Variants in MTMR3 observed in about 807,000 individuals in gnomAD.
MTMR3 encodes phosphatidylinositol-3,5-bisphosphate 3-phosphatase MTMR3.
In MTMR3, 32 loss-of-function variants were observed where a neutral mutation model predicts 132.4. The ratio of observed to expected loss-of-function variants is 0.24; its 90% CI spans 0.18 to 0.32. MTMR3 has a LOEUF of 0.32. MTMR3 is among the 10% of genes least tolerant of loss of function. The pLI is 1.00. For synonymous variants in MTMR3, 556 were observed against 550.3 expected, an observed-to-expected ratio of 1.01 and a Z score of -0.14; for missense variants, 1,216 against 1,489.6, an observed-to-expected ratio of 0.82 and a Z score of 3.02.
At chr22:29,903,191 C>T (rs900944209) in intron 1 of MTMR3, among the ~76,000 whole-genome samples, 2 of 152,042 alleles carry the variant, frequency 1.3e-5, no homozygotes, top group Non-Finnish European at 2.9e-5. Flanking sequence ...TGCCAGTCCA[C>T]TCCAGCTTGG....
intron 1 of MTMR3, among the ~76,000 whole-genome samples, chr22:29,920,224 A>C (rs1013715062): frequency 4.7e-5 from 7 of 150,136 alleles, no homozygotes; most frequent in African/African-American, 1.2e-4. Context: ...AAAAAAAAAA[A>C]CAAAAAACCC....
intron 7 of MTMR3, chr22:29,997,520 A>T (rs2067085759): frequency 6.6e-6 from 1 of 152,248 alleles, no homozygotes; most frequent in African/African-American, 2.4e-5. Context: ...TTTTCAAGGA[A>T]GAAAGTTATT....
intron 1 of MTMR3, among the ~76,000 whole-genome samples, chr22:29,951,775 A>C (rs376996355): frequency 6.6e-6 from 1 of 152,166 alleles, no homozygotes; most frequent in East Asian, 1.9e-4. Context: ...ATGTAGTTAC[A>C]TACTTACACA....
At chr22:29,994,277 T>G (rs2067018007) in intron 7 of MTMR3, 1 of 309,994 alleles carries the variant, frequency 3.2e-6, no homozygotes, top group South Asian at 1.3e-4. Flanking sequence ...CCACTCAGCA[T>G]GGAATCTTGT....
rs1201573395 is a variant in MTMR3, at chr22:30,027,104, G to A, written c.*1303G>A. 6.5e-6 allele frequency: 1 copy of A among 152,846 alleles called. No individual in the cohort carries two copies. Among genetic ancestry groups the A allele is most frequent in the Non-Finnish European group, 1.5e-5 (1 of 68,162 alleles). The allele number at this position is 152,846 out of a possible 1,614,324, so 9.5% of individuals were successfully genotyped here. On this transcript the variant is annotated 3_prime_UTR_variant, in exon 20 of 20. Coordinates refer to ENST00000401950, the MANE Select transcript of MTMR3 (RefSeq NM_021090.4). ...ATCAAGAATATTTGTGGAGGTAGGT[G>A]TGGGGAAGGTTGGAGAAGAGTTAGG...
At position 29,929,282 on chromosome 22, in the gene MTMR3, AAAAC is replaced by A. The variant is rs540551136; in HGVS notation, c.-137-27744_-137-27741del. 4.5e-4 allele frequency among the ~76,000 whole-genome samples: 68 copies of A among 152,202 alleles called. 1 individual carries two copies. The East Asian group carries it at 0.013, about 29-fold the overall frequency. On this transcript the variant is annotated intron_variant, in intron 1 of 19. Coordinates refer to ENST00000401950, the MANE Select transcript of MTMR3 (RefSeq NM_021090.4). Reference sequence around the variant, plus strand: ...GGTGATAGAGCAAGACTCCATCTCAAAAACAAACAAACAGAAAACACTCATTTTT... The same window carrying A: ...GGTGATAGAGCAAGACTCCATCTCAAAAACAAACAGAAAACACTCATTTTT...
Position 30,002,890 on chromosome 22 carries a change from A to G in MTMR3, c.568A>G (p.Ser190Gly). Residue 190 changes from serine (S) to glycine (G), a missense_variant, in exon 9 of 20, where the codon AGC (serine) becomes GGC (glycine). Physicochemically the swap from Ser to Gly is moderately conservative, Grantham distance 56. Around this residue, in one of 7 missense-constraint regions of MTMR3, gnomAD observed 129 missense variants for 245.7 expected, o/e 0.53. Coordinates refer to ENST00000401950, the MANE Select transcript of MTMR3 (RefSeq NM_021090.4). The stretch of plus-strand genomic sequence containing the variant: ...TCATCTTCTCTTTAGATTATGTGGT[A>G]GCTATCCTCAAGAGCTCATAGTGCC... ...NINEKYKLCG[S>G]YPQELIVPAW... 6.2e-7 allele frequency: 1 copy of G among 1,613,062 alleles called. No homozygotes were observed. Among genetic ancestry groups the G allele is most frequent in the East Asian group, 2.2e-5 (1 of 44,866 alleles).
intron 1 of MTMR3, among the ~76,000 whole-genome samples, chr22:29,940,502 C>T (rs1035391841): frequency 9.3e-5 from 14 of 150,162 alleles, no homozygotes; most frequent in Non-Finnish European, 1.6e-4. Flanking sequence ...GGACTCTCTT[C>T]ACACGGATGC....
At position 30,020,209 on chromosome 22, in the gene MTMR3, G is replaced by A. The variant is rs763599428; in HGVS notation, c.2550G>A (p.Val850=). 1 of 1,614,216 alleles carries A rather than the reference G, an allele frequency of 6.2e-7. No homozygotes were observed. The highest frequency in any genetic ancestry group is 8.5e-7 in the Non-Finnish European group (1 of 1,180,040). The change falls in exon 17 of 20, where the codon GTG becomes GTA. Residue 850 remains valine (V), a synonymous_variant. Transcript: ENST00000401950. ...TGGACAGTTCTACAGACATGTTAGT[G>A]GAAGATAAGGTGAAGTCAGTAAGTG... The part of the protein sequence containing the change: ...PNVDSSTDML[V]EDKVKSVSGP...
chr22:29,896,734 C>T (rs1234955987), intron 1 of MTMR3, among the ~76,000 whole-genome samples: 1 of 150,630 alleles, frequency 6.6e-6, no homozygotes, highest in African/African-American at 2.5e-5. Context: ...ATAACATAAC[C>T]ATTTATTTAA....
Position 30,030,072 on chromosome 22 carries a change from T to G in MTMR3, c.*4271T>G, listed in dbSNP as rs1443551789. On this transcript the variant is annotated 3_prime_UTR_variant, in exon 20 of 20. Transcript: ENST00000401950. Reference sequence around the variant, plus strand: ...TGTGTGCAGATACCAGTAGCCTCCCTGCTTGAACAGGCCTCTCCTAGGCTA... The same window carrying G: ...TGTGTGCAGATACCAGTAGCCTCCCGGCTTGAACAGGCCTCTCCTAGGCTA... The G allele has an allele frequency of 6.6e-6, 1 of 152,284 alleles. No homozygotes were observed. Among genetic ancestry groups the G allele is most frequent in the African/African-American group, 2.4e-5 (1 of 41,456 alleles). 9.4% of individuals were successfully genotyped at this position (152,284 alleles called of 1,614,324 possible). A position where few individuals can be genotyped will look rare whatever the true frequency, so the allele number is the denominator to read the frequency against.
intron 17 of MTMR3, chr22:30,021,092 T>G: frequency 5.1e-6 from 3 of 592,386 alleles, no homozygotes; most frequent in East Asian, 2.9e-5. Flanking sequence ...TTTCTGCAGA[T>G]GTCCTGTTGA....
intron 1 of MTMR3, among the ~76,000 whole-genome samples, chr22:29,893,443 G>C (rs527616001): frequency 4.6e-5 from 7 of 152,092 alleles, no homozygotes; most frequent in African/African-American, 1.7e-4. Flanking sequence ...TGGTCTTTGC[G>C]TACATAATGG....
chr22:29,904,217 T>A (rs2065053364), intron 1 of MTMR3, among the ~76,000 whole-genome samples: 1 of 152,234 alleles, frequency 6.6e-6, no homozygotes, highest in Admixed American at 6.5e-5. Context: ...ACAATTTTAA[T>A]TAGCTTTATC....
intron 1 of MTMR3, among the ~76,000 whole-genome samples, chr22:29,891,367 G>GTATATGTGTATACATAATATATAATA (rs2064795967): frequency 6.7e-6 from 1 of 149,272 alleles, no homozygotes; most frequent in Non-Finnish European, 1.5e-5. Context: ...TGTATACATT[G>GTATATGTGTATACATAATATATAATA]TATATGTGTA....
At chr22:30,011,250 A>G (rs984916405) in intron 12 of MTMR3, 5 of 152,176 alleles carry the variant, frequency 3.3e-5, no homozygotes, top group African/African-American at 1.2e-4. Context: ...GGAAAAATCA[A>G]CTCCTTTTTA....
In MTMR3 at chr22:29,942,870, G is replaced by A. The variant is rs541909837; in HGVS notation, c.-137-14166G>A. On this transcript the variant is annotated intron_variant, in intron 1 of 19. Transcript: ENST00000401950. ...CACACATGCTCTACAAACAACTTGTGCAATTAATGCAATCATCACAGGGTC... is the reference window on the plus strand; with the variant it reads ...CACACATGCTCTACAAACAACTTGTACAATTAATGCAATCATCACAGGGTC... Among the ~76,000 whole-genome samples, 110 of 152,266 alleles carry A rather than the reference G, an allele frequency of 7.2e-4. 1 individual carries two copies. Among genetic ancestry groups the A allele is most frequent in the Middle Eastern group, 3.4e-3 (1 of 294 alleles).
intron 1 of MTMR3, among the ~76,000 whole-genome samples, chr22:29,889,705 A>C (rs181870580): frequency 6.6e-6 from 1 of 152,234 alleles, no homozygotes; most frequent in Non-Finnish European, 1.5e-5. Flanking sequence ...TAATTTTAAA[A>C]AGAACAACTT....
Position 30,019,697 on chromosome 22 carries a change from G to C in MTMR3, c.2038G>C (p.Val680Leu). 6.2e-7 allele frequency: 1 copy of C among 1,614,184 alleles called. No individual in the cohort carries two copies. Among genetic ancestry groups the C allele is most frequent in the Non-Finnish European group, 8.5e-7 (1 of 1,180,046 alleles). The change falls in exon 17 of 20, where the codon GTT becomes CTT. Residue 680 changes from valine (V) to leucine (L), a missense_variant. Coordinates refer to ENST00000401950, the MANE Select transcript of MTMR3 (RefSeq NM_021090.4). ...TRVPGGAELS[V>L]AAGVAEGQME... ...AGTGCCGGGGGGTGCCGAGCTTTCT[G>C]TTGCAGCCGGAGTAGCTGAGGGGCA...
Sources: allele counts gnomAD v4.1 joint callset (sites outside exome capture counted in the v4.1 genomes callset), GRCh38; gene constraint gnomAD v4.1.1; regional missense constraint gnomAD v4.1.1; transcripts MANE v1.5; gene names NCBI Gene and HGNC (gene_info 2026-07-23, HGNC 2026-07-21).